The following MEF2A variants were observed in gnomAD, a reference collection of about 807,000 sequenced individuals.
MEF2A encodes myocyte enhancer factor 2A.
In MEF2A, 28 loss-of-function variants were observed where a neutral mutation model predicts 55.8. That is an observed-to-expected ratio of 0.50 (90% CI 0.37 to 0.69). The LOEUF is 0.69. Ranked by LOEUF, MEF2A falls within the 30% of genes least tolerant of loss-of-function variation. The pLI is 0.00. For missense variants in MEF2A, 528 were observed against 626.2 expected (o/e 0.84, Z 1.67); for synonymous variants, 239 against 227.1 (o/e 1.05, Z -0.47).
intron 2 of MEF2A, among the ~76,000 whole-genome samples, chr15:99,620,496 G>GT (rs2040960251): frequency 6.6e-6 from 1 of 152,146 alleles, no homozygotes; most frequent in South Asian, 2.1e-4. Flanking sequence ...AGCTGCCTCC[G>GT]TGTTGCTGCA....
chr15:99,570,770 AT>A (rs1364880238), intron 1 of MEF2A, among the ~76,000 whole-genome samples: 3 of 151,900 alleles, frequency 2.0e-5, no homozygotes, highest in Admixed American at 1.3e-4. Flanking sequence ...TTGGAATTAT[AT>A]TTCTAAAATT....
At chr15:99,588,793 G>A (rs1430753737) in intron 1 of MEF2A, among the ~76,000 whole-genome samples, 1 of 151,556 alleles carries the variant, frequency 6.6e-6, no homozygotes, top group Admixed American at 6.6e-5. Flanking sequence ...TTTCCTGAAT[G>A]GGTGTTTTGT....
intron 9 of MEF2A, among the ~76,000 whole-genome samples, chr15:99,704,082 GTCA>G (rs2057745685): frequency 6.6e-6 from 1 of 152,170 alleles, no homozygotes; most frequent in Non-Finnish European, 1.5e-5. Flanking sequence ...CCTCACAGGA[GTCA>G]TCATATAATT....
intron 4 of MEF2A, among the ~76,000 whole-genome samples, chr15:99,651,898 T>C (rs1483973412): frequency 6.6e-6 from 1 of 152,238 alleles, no homozygotes; most frequent in Non-Finnish European, 1.5e-5. Flanking sequence ...TAGATATCAC[T>C]TGTATATATA....
In MEF2A at chr15:99,648,128, C is replaced by T. The variant is rs1048857044; in HGVS notation, c.258+2364C>T. ...TACTTACATAGAGCTTCCTATGGGT[C>T]TTAGTTTTTACAAAGTACTTTACAG... On this transcript the variant is annotated intron_variant, in intron 4 of 11. Transcript: ENST00000557942. Among the ~76,000 whole-genome samples the T allele has an allele frequency of 2.8e-4, 43 of 152,130 alleles. 3 individuals carry two copies.
chr15:99,647,686 T>G (rs552577501), intron 4 of MEF2A, among the ~76,000 whole-genome samples: 3 of 152,182 alleles, frequency 2.0e-5, no homozygotes, highest in Admixed American at 6.5e-5. Flanking sequence ...AGGAAAACTT[T>G]TGCGGCTCAA....
chr15:99,694,512 T>G (rs1463217843), intron 8 of MEF2A, among the ~76,000 whole-genome samples: 1 of 152,180 alleles, frequency 6.6e-6, no homozygotes, highest in East Asian at 1.9e-4. Context: ...CTCAACAGGT[T>G]TTAGATCTTG....
intron 1 of MEF2A, among the ~76,000 whole-genome samples, chr15:99,594,387 T>G (rs1369358541): frequency 1.3e-5 from 2 of 151,874 alleles, no homozygotes; most frequent in African/African-American, 4.8e-5. Flanking sequence ...ATCCTCTATC[T>G]GGTTGTGCTA....
intron 2 of MEF2A, among the ~76,000 whole-genome samples, chr15:99,604,064 A>G (rs1974246245): frequency 1.3e-5 from 2 of 152,146 alleles, no homozygotes; most frequent in Admixed American, 1.3e-4. Context: ...TTTTGTTCCC[A>G]GTATGTAAGT....
intron 1 of MEF2A, among the ~76,000 whole-genome samples, chr15:99,592,301 A>T (rs912387863): frequency 3.3e-5 from 5 of 151,764 alleles, no homozygotes; most frequent in African/African-American, 7.3e-5. Flanking sequence ...TTTTTTTATT[A>T]TACTGCTTCC....
At chr15:99,662,717 A>C (rs1296711287) in intron 4 of MEF2A, among the ~76,000 whole-genome samples, 1 of 152,168 alleles carries the variant, frequency 6.6e-6, no homozygotes, top group Admixed American at 6.5e-5. Context: ...ACCTAAAGTG[A>C]TCTGCCTGTC....
chr15:99,635,022 CTG>C (rs1430790160), intron 3 of MEF2A, among the ~76,000 whole-genome samples: 1 of 152,226 alleles, frequency 6.6e-6, no homozygotes, highest in African/African-American at 2.4e-5. Context: ...GGGAGAAAAA[CTG>C]TATCTTTGCA....
intron 2 of MEF2A, among the ~76,000 whole-genome samples, chr15:99,601,301 A>G (rs139370026): frequency 1.8e-4 from 27 of 152,298 alleles, no homozygotes; most frequent in African/African-American, 6.5e-4. Context: ...TCTTCAAATC[A>G]TCTGTGTAGA....
At chr15:99,576,386 A>C in intron 1 of MEF2A, among the ~76,000 whole-genome samples, 1 of 152,138 alleles carries the variant, frequency 6.6e-6, no homozygotes, top group Non-Finnish European at 1.5e-5. Flanking sequence ...ATCCTGTTTT[A>C]TATCTTTTAC....
Position 99,715,538 on chromosome 15 carries a change from A to T in MEF2A, c.*2767A>T, listed in dbSNP as rs2059065992. ...GGCATGGAGCATATGGACTTGACAG[A>T]CATCTCTCACCCAGACGCCCACGTG... On this transcript the variant is annotated 3_prime_UTR_variant, in exon 12 of 12. Coordinates refer to ENST00000557942, the MANE Select transcript of MEF2A (RefSeq NM_001319206.4). The T allele has an allele frequency of 6.6e-6, 1 of 152,212 alleles. No individual in the cohort carries two copies. The highest frequency in any genetic ancestry group is 1.5e-5 in the Non-Finnish European group (1 of 68,038). The allele number at this position is 152,212 out of a possible 1,614,324, so 9.4% of individuals were successfully genotyped here. A position where few individuals can be genotyped will look rare whatever the true frequency, so the allele number is the denominator to read the frequency against.
intron 1 of MEF2A, among the ~76,000 whole-genome samples, chr15:99,579,881 C>G (rs1408441036): frequency 1.3e-5 from 2 of 152,042 alleles, no homozygotes; most frequent in Admixed American, 1.3e-4. Context: ...ATTCCCTTTT[C>G]TTTTTCCTTT....
chr15:99,657,156 C>G (rs375991626), intron 4 of MEF2A, among the ~76,000 whole-genome samples: 1 of 151,942 alleles, frequency 6.6e-6, no homozygotes, highest in East Asian at 1.9e-4. Context: ...AAATAGTATT[C>G]CATTTGCTAC....
At chr15:99,704,103 C>T (rs2153801673) in intron 9 of MEF2A, among the ~76,000 whole-genome samples, 1 of 152,288 alleles carries the variant, frequency 6.6e-6, no homozygotes, top group Admixed American at 6.5e-5. Context: ...ATTTCAAAGT[C>T]AGCTGCTAAT....
intron 7 of MEF2A, among the ~76,000 whole-genome samples, chr15:99,676,257 A>C (rs2052001602): frequency 6.6e-6 from 1 of 152,196 alleles, no homozygotes; most frequent in African/African-American, 2.4e-5. Flanking sequence ...AAAACAATTA[A>C]ATGTGGGAAA....
Sources: gnomAD v4.1 joint callset for allele counts (sites outside exome capture counted in the v4.1 genomes callset) on GRCh38, gnomAD v4.1.1 for gene constraint, MANE v1.5 for transcripts, NCBI Gene and HGNC (gene_info 2026-07-23, HGNC 2026-07-21) for gene names.